VGLL3: variants seen among roughly 807,000 people sequenced by gnomAD.
VGLL3 encodes transcription cofactor vestigial-like protein 3.
In VGLL3, 18 loss-of-function variants were observed where a neutral mutation model predicts 29.2. The ratio of observed to expected loss-of-function variants is 0.62; its 90% confidence interval spans 0.43 to 0.91. VGLL3 has a LOEUF of 0.91. VGLL3 is among the 40% of genes least tolerant of loss of function. VGLL3 has a pLI of 0.00. For missense variants in VGLL3, 440 were observed against 413.2 expected (o/e 1.06, Z -0.56); for synonymous variants, 180 against 151.8 (o/e 1.19, Z -1.36).
chr3:86,968,949 T>C lies in VGLL3; in HGVS notation c.578A>G (p.His193Arg), dbSNP rs79345443. The change falls in exon 3 of 4, where the codon CAT (histidine) becomes CGT (arginine). Residue 193 changes from histidine to arginine, a missense_variant. His to Arg is a conservative substitution (Grantham distance 29). Transcript: ENST00000398399. ...AGGGGGAGGGGCTGGGCCAGTCTGA[T>C]GCAGGTTGTGTCCCGGCCAAGGACT... ...DPSPWPGHNLHQTGPAPPPAV... is the reference protein window; with the variant it reads ...DPSPWPGHNLRQTGPAPPPAV... The C allele has an allele frequency of 1.2e-6, 2 of 1,614,142 alleles. No individual in the cohort carries two copies. The highest frequency in any genetic ancestry group is 1.1e-5 in the South Asian group (1 of 91,072).
rs976257694 is a variant in VGLL3, at chr3:86,940,327, A to G, written c.*6697T>C. 6.6e-6 allele frequency: 1 copy of G among 152,648 alleles called. No individual in the cohort carries two copies. The highest frequency in any genetic ancestry group is 6.5e-5 in the Admixed American group (1 of 15,288). The allele number at this position is 152,648 out of a possible 1,614,324, so 9.5% of individuals were successfully genotyped here. ...AACAAATGTAAAAACAATAAAATAC[A>G]CCTTGGTCAACCAATATCCTTAGAA... On this transcript the variant is annotated 3_prime_UTR_variant, in exon 4 of 4. Coordinates refer to ENST00000398399, the MANE Select transcript of VGLL3 (RefSeq NM_016206.4).
intron 1 of VGLL3, among the ~76,000 whole-genome samples, chr3:86,988,521 A>G (rs1411856973): frequency 7.3e-5 from 11 of 151,462 alleles, no homozygotes. Context: ...CTCTTTTCCA[A>G]TAGAAAATGT....
intron 3 of VGLL3, among the ~76,000 whole-genome samples, chr3:86,957,230 C>A (rs2106981503): frequency 6.6e-6 from 1 of 152,254 alleles, no homozygotes; most frequent in Non-Finnish European, 1.5e-5. Context: ...AATACAAAAG[C>A]ACCTAGTTTT....
chr3:86,969,054 G>T lies in VGLL3; in HGVS notation c.473C>A (p.Pro158Gln), dbSNP rs770085604. ...TSFWTSSYQP[P>Q]PAPCLGGVHP... is the part of the protein sequence containing the mutation. ...AACTCCCCCCAAACAAGGTGCAGGT[G>T]GGGGCTGGTAAGAGCTGGTCCAAAA... Residue 158 changes from proline (P) to glutamine (Q), a missense_variant, in exon 3 of 4, where the codon CCA becomes CAA. By Grantham distance (76) the Pro-to-Gln change is moderately conservative. Coordinates refer to ENST00000398399, the MANE Select transcript of VGLL3 (RefSeq NM_016206.4). 3.1e-6 allele frequency: 5 copies of T among 1,614,018 alleles called. No homozygotes were observed. The highest frequency in any genetic ancestry group is 1.7e-4 in the Middle Eastern group (1 of 6,060).
intron 2 of VGLL3, among the ~76,000 whole-genome samples, chr3:86,970,718 A>T (rs1235703216): frequency 6.6e-6 from 1 of 152,098 alleles, no homozygotes; most frequent in Admixed American, 6.5e-5. Context: ...ACACAGTCAA[A>T]TCCGTTTGTG....
intron 3 of VGLL3, among the ~76,000 whole-genome samples, chr3:86,965,098 G>A (rs1014854097): frequency 5.9e-5 from 9 of 151,846 alleles, no homozygotes; most frequent in South Asian, 2.1e-4. Context: ...TGAAGGTTGC[G>A]GTGAGCTGAA....
Position 86,946,611 on chromosome 3 carries a change from T to C in VGLL3, c.*413A>G, listed in dbSNP as rs1180793978. ...AGCCCATCAATGCTAAACCAAACTT[T>C]TTGTATTTCTACAAAAATAGATGCA... On this transcript the variant is annotated 3_prime_UTR_variant, in exon 4 of 4. Coordinates refer to ENST00000398399, the MANE Select transcript of VGLL3 (RefSeq NM_016206.4). 6.5e-6 allele frequency: 1 copy of C among 154,804 alleles called. No homozygotes were observed. Among genetic ancestry groups the C allele is most frequent in the Admixed American group, 6.5e-5 (1 of 15,352 alleles). 9.6% of individuals were successfully genotyped at this position (154,804 alleles called of 1,614,324 possible). A position where few individuals can be genotyped will look rare whatever the true frequency, so the allele number is the denominator to read the frequency against.
chr3:86,968,554 A>G, intron 3 of VGLL3, 36 bp downstream of exon 3: 1 of 1,556,144 alleles, frequency 6.4e-7, no homozygotes, highest in South Asian at 1.2e-5. Context: ...AATTAACTTT[A>G]TCTTGTTATA....
chr3:86,962,617 T>A, intron 3 of VGLL3: 1 of 938,286 alleles, frequency 1.1e-6, no homozygotes, highest in Non-Finnish European at 1.3e-6. Context: ...TTGAAAAAAA[T>A]TCAAAAAATA....
chr3:86,986,116 C>T (rs1705436413), intron 1 of VGLL3, among the ~76,000 whole-genome samples: 1 of 152,044 alleles, frequency 6.6e-6, no homozygotes, highest in Non-Finnish European at 1.5e-5. Flanking sequence ...AGAAACAGTG[C>T]ATAGGAGAAC....
intron 3 of VGLL3, among the ~76,000 whole-genome samples, chr3:86,961,624 A>G (rs1263891246): frequency 6.6e-6 from 1 of 152,140 alleles, no homozygotes; most frequent in Non-Finnish European, 1.5e-5. Flanking sequence ...TTCCTTATAC[A>G]CAAAGGGGCC....
At chr3:86,979,427 C>T (rs1250708735) in intron 1 of VGLL3, among the ~76,000 whole-genome samples, 1 of 151,996 alleles carries the variant, frequency 6.6e-6, no homozygotes, top group African/African-American at 2.4e-5. Flanking sequence ...TTCCGTTTAC[C>T]ACCATTATCA....
intron 1 of VGLL3, among the ~76,000 whole-genome samples, chr3:86,985,947 G>T (rs1370149215): frequency 1.3e-5 from 2 of 151,994 alleles, no homozygotes; most frequent in Non-Finnish European, 2.9e-5. Flanking sequence ...TTTAAGATCT[G>T]CCTTAGGCAT....
chr3:86,975,791 T>C (rs1301616748), intron 2 of VGLL3, among the ~76,000 whole-genome samples: 27 of 152,114 alleles, frequency 1.8e-4, no homozygotes, highest in Admixed American at 1.7e-3. Context: ...TCCTGGTATA[T>C]GCTGATAAAC....
At chr3:86,986,715 A>G (rs939184558) in intron 1 of VGLL3, among the ~76,000 whole-genome samples, 14 of 152,206 alleles carry the variant, frequency 9.2e-5, no homozygotes. Context: ...CTTATGTTGG[A>G]ATAGCAATAA....
At chr3:86,949,808 C>T (rs753499268) in intron 3 of VGLL3, among the ~76,000 whole-genome samples, 1 of 123,870 alleles carries the variant, frequency 8.1e-6, no homozygotes. Flanking sequence ...GCCTGGGTGA[C>T]AGAGCGAGAC....
At chr3:86,948,083 A>G (rs563033080) in intron 3 of VGLL3, among the ~76,000 whole-genome samples, 21 of 152,298 alleles carry the variant, frequency 1.4e-4, no homozygotes, top group Non-Finnish European at 2.8e-4. Context: ...TAGTTAATAC[A>G]TCTGTCACCT....
rs985241500 is a variant in VGLL3, at chr3:86,940,692, CAA to C, written c.*6330_*6331del. The C allele has an allele frequency of 1.3e-5, 2 of 152,158 alleles. No individual in the cohort carries two copies. The highest frequency in any genetic ancestry group is 2.4e-5 in the African/African-American group (1 of 41,530). 9.4% of individuals were successfully genotyped at this position (152,158 alleles called of 1,614,324 possible). A position where few individuals can be genotyped will look rare whatever the true frequency, so the allele number is the denominator to read the frequency against. On this transcript the variant is annotated 3_prime_UTR_variant, in exon 4 of 4. Coordinates refer to ENST00000398399, the MANE Select transcript of VGLL3 (RefSeq NM_016206.4). ...AAGATAATGACATATGTTTTTATTACAAAGTCTTCCATCATCTTATATCATTG... is the reference window on the plus strand; with the variant it reads ...AAGATAATGACATATGTTTTTATTACAGTCTTCCATCATCTTATATCATTG...
intron 3 of VGLL3, among the ~76,000 whole-genome samples, chr3:86,954,622 G>T (rs966566538): frequency 1.3e-5 from 2 of 151,880 alleles, no homozygotes; most frequent in African/African-American, 4.8e-5. Flanking sequence ...GAGTTAGGTA[G>T]TTTTTTTTAT....
Sources: gnomAD v4.1 joint callset for allele counts (sites outside exome capture counted in the v4.1 genomes callset) on GRCh38, gnomAD v4.1.1 for gene constraint, MANE v1.5 for transcripts, NCBI Gene and HGNC (gene_info 2026-07-23, HGNC 2026-07-21) for gene names.